PYGO1: variants seen among roughly 807,000 people sequenced by gnomAD.
PYGO1 encodes the protein pygopus family PHD finger 1, also known as pygopus homolog 1.
A neutral mutation model predicts 29.5 loss-of-function variants in PYGO1; 6 were observed. That is an observed-to-expected ratio of 0.20 (90% CI 0.11 to 0.40). PYGO1 has a LOEUF of 0.40. PYGO1 is among the 10% of genes least tolerant of loss of function. The pLI is 1.00. For synonymous variants in PYGO1, 186 were observed against 180.5 expected, an observed-to-expected ratio of 1.03 and a Z score of -0.24; for missense variants, 515 against 514.9, an observed-to-expected ratio of 1.00 and a Z score of 0.00.
At position 55,547,034 on chromosome 15, in the gene PYGO1, T is replaced by C. The variant is rs2058855345; in HGVS notation, c.249A>G (p.Pro83=). The C allele has an allele frequency of 6.2e-7, 1 of 1,613,836 alleles. No individual in the cohort carries two copies. Among genetic ancestry groups the C allele is most frequent in the South Asian group, 1.1e-5 (1 of 91,066 alleles). ...CAAGATATGGATTTGACGAAGGTAG[T>C]GGTTTATAGGAAATAGTATTATAGT... The part of the protein sequence containing the change: ...DDNYNTISYK[P]LPSSNPYLGP... The change falls in exon 3 of 3, where the codon CCA becomes CCG. Residue 83 remains proline (P), a synonymous_variant. Transcript: ENST00000563719.
intron 1 of PYGO1, among the ~76,000 whole-genome samples, chr15:55,582,067 C>T (rs578005396): frequency 1.5e-4 from 23 of 151,854 alleles, no homozygotes; most frequent in East Asian, 5.8e-4. Flanking sequence ...ATTAGCCGGG[C>T]GTGGTGGCAC....
At chr15:55,560,448 A>G (rs2058928237) in intron 1 of PYGO1, among the ~76,000 whole-genome samples, 1 of 152,160 alleles carries the variant, frequency 6.6e-6, no homozygotes, top group Admixed American at 6.5e-5. Flanking sequence ...GAGAGAATAT[A>G]CTACCTAGGA....
rs779715638 is a variant in PYGO1, at chr15:55,546,629, A to G, written c.654T>C (p.Ser218=). 3 of 1,613,984 alleles carry G rather than the reference A, an allele frequency of 1.9e-6. No homozygotes were observed. Among genetic ancestry groups the G allele is most frequent in the East Asian group, 4.5e-5 (2 of 44,896 alleles). Residue 218 remains serine, a synonymous_variant, in exon 3 of 3, where the codon TCT becomes TCC. Coordinates refer to ENST00000563719, the MANE Select transcript of PYGO1 (RefSeq NM_001367806.1). ...TTGGGGGAGGAATAAAAGAATGATT[A>G]GATTCTAACGGAGAAGTAAAATTTG... ...NNSNFTSPLE[S]NHSFIPPPNT...
intron 1 of PYGO1, among the ~76,000 whole-genome samples, chr15:55,571,089 T>C (rs895400492): frequency 6.6e-6 from 1 of 151,994 alleles, no homozygotes; most frequent in African/African-American, 2.4e-5. Context: ...CTACTCTAGA[T>C]ATTTTACACA....
In PYGO1 at chr15:55,546,259, G is replaced by A. The variant is rs151028742; in HGVS notation, c.1024C>T (p.Pro342Ser). 5 of 1,614,164 alleles carry A rather than the reference G, an allele frequency of 3.1e-6. No individual in the cohort carries two copies. Among genetic ancestry groups the A allele is most frequent in the Non-Finnish European group, 3.4e-6 (4 of 1,180,030 alleles). ...ACCTCGTTTGTACAAATTCCACAAGGATACACTGGGTCAGAAGACGAATGG... is the reference window on the plus strand; with the variant it reads ...ACCTCGTTTGTACAAATTCCACAAGAATACACTGGGTCAGAAGACGAATGG... Reference protein sequence around the residue: ...HGHSSSDPVYPCGICTNEVND... With the variant: ...HGHSSSDPVYSCGICTNEVND... The change falls in exon 3 of 3, where the codon CCT (proline) becomes TCT (serine). Residue 342 changes from proline (P) to serine (S), a missense_variant. Coordinates refer to ENST00000563719, the MANE Select transcript of PYGO1 (RefSeq NM_001367806.1).
At chr15:55,563,664 T>C (rs1285211399) in intron 1 of PYGO1, among the ~76,000 whole-genome samples, 2 of 152,176 alleles carry the variant, frequency 1.3e-5, no homozygotes, top group Non-Finnish European at 2.9e-5. Flanking sequence ...ATAAATTCTT[T>C]AGTGGAGATT....
intron 1 of PYGO1, among the ~76,000 whole-genome samples, chr15:55,582,868 A>G (rs7183943): frequency 0.32 from 48,312 of 152,040 alleles, 8,061 homozygotes; most frequent in East Asian, 0.5. Flanking sequence ...TTGTGACTGC[A>G]TAAATTATGC....
chr15:55,579,820 T>C (rs2059018478), intron 1 of PYGO1, among the ~76,000 whole-genome samples: 1 of 152,254 alleles, frequency 6.6e-6, no homozygotes, highest in Non-Finnish European at 1.5e-5. Context: ...ATACTTACTA[T>C]ACAGCAAAAT....
At chr15:55,588,834 G>A (rs1567062897), upstream of PYGO1, 1 of 1,614,038 alleles carries the variant, frequency 6.2e-7, no homozygotes, top group Non-Finnish European at 8.5e-7. Context: ...GCGGGAGCTG[G>A]AGAGTTCTCG....
At chr15:55,569,960 A>G (rs1456978976) in intron 1 of PYGO1, among the ~76,000 whole-genome samples, 2 of 152,184 alleles carry the variant, frequency 1.3e-5, no homozygotes, top group East Asian at 3.9e-4. Context: ...CTTGGAAAAT[A>G]CCTGCAGCTT....
chr15:55,567,815 T>C (rs546405782), intron 1 of PYGO1, among the ~76,000 whole-genome samples: 83 of 152,322 alleles, frequency 5.4e-4, no homozygotes, highest in African/African-American at 2.0e-3. Context: ...CTTCTACATA[T>C]GGATAGCCAG....
chr15:55,569,531 C>A (rs1421322872), intron 1 of PYGO1, among the ~76,000 whole-genome samples: 2 of 152,106 alleles, frequency 1.3e-5, no homozygotes, highest in African/African-American at 4.8e-5. Context: ...GCCTTGATTT[C>A]ATTACCCAGA....
At chr15:55,550,561 T>A (rs2058874435) in intron 1 of PYGO1, among the ~76,000 whole-genome samples, 1 of 152,170 alleles carries the variant, frequency 6.6e-6, no homozygotes, top group South Asian at 2.1e-4. Context: ...CTCTATGGCA[T>A]CTCTCTTCCA....
intron 1 of PYGO1, among the ~76,000 whole-genome samples, chr15:55,559,053 C>T (rs1204323395): frequency 2.0e-5 from 3 of 152,076 alleles, no homozygotes; most frequent in Admixed American, 1.3e-4. Flanking sequence ...AGGCAACCTA[C>T]AGAATGGGAG....
chr15:55,571,195 T>G (rs1218919735), intron 1 of PYGO1, among the ~76,000 whole-genome samples: 1 of 152,216 alleles, frequency 6.6e-6, no homozygotes, highest in African/African-American at 2.4e-5. Flanking sequence ...ATTTCCTTCC[T>G]TTTTGTGGCT....
At chr15:55,559,668 C>T (rs150930614) in intron 1 of PYGO1, among the ~76,000 whole-genome samples, 3 of 152,194 alleles carry the variant, frequency 2.0e-5, no homozygotes, top group Non-Finnish European at 2.9e-5. Flanking sequence ...AAAGGAGGGA[C>T]TCCTCCCTAA....
intron 1 of PYGO1, among the ~76,000 whole-genome samples, chr15:55,571,211 AT>A (rs2058978747): frequency 6.6e-6 from 1 of 152,172 alleles, no homozygotes; most frequent in African/African-American, 2.4e-5. Context: ...TGGCTGAATA[AT>A]ATTCCATGTA....
chr15:55,588,050 G>T lies in PYGO1; in HGVS notation c.-167C>A. ...ACGCGGGCCGACTTTGCAAAGTTTG[G>T]GAGGAGGACGAGGCCTCGGGGCGGC... On this transcript the variant is annotated 5_prime_UTR_variant, in exon 1 of 3. Coordinates refer to ENST00000563719, the MANE Select transcript of PYGO1 (RefSeq NM_001367806.1). 8.5e-7 allele frequency: 1 copy of T among 1,182,974 alleles called. No homozygotes were observed. The highest frequency in any genetic ancestry group is 4.0e-5 in the East Asian group (1 of 25,100). The allele number at this position is 1,182,974 out of a possible 1,614,324, so 73.3% of individuals were successfully genotyped here. A position where few individuals can be genotyped will look rare whatever the true frequency, so the allele number is the denominator to read the frequency against.
rs1410824224 is a variant in PYGO1 at position 55,540,076 on chromosome 15, AT to A, written c.*5946del. ...AATGACAAAATAAGAATGCTTTTAAATTACTATTCTTAAGTAAACACCTCTA... is the reference window on the plus strand; with the variant it reads ...AATGACAAAATAAGAATGCTTTTAAATACTATTCTTAAGTAAACACCTCTA... On this transcript the variant is annotated 3_prime_UTR_variant, in exon 3 of 3. Transcript: ENST00000563719. 2.6e-5 allele frequency: 4 copies of A among 152,112 alleles called. No homozygotes were observed. Among genetic ancestry groups the A allele is most frequent in the Non-Finnish European group, 5.9e-5 (4 of 67,936 alleles). 9.4% of individuals were successfully genotyped at this position (152,112 alleles called of 1,614,324 possible). A position where few individuals can be genotyped will look rare whatever the true frequency, so the allele number is the denominator to read the frequency against.
Sources: allele counts gnomAD v4.1 joint callset (sites outside exome capture counted in the v4.1 genomes callset), GRCh38; gene constraint gnomAD v4.1.1; transcripts MANE v1.5; gene names NCBI Gene and HGNC (gene_info 2026-07-23, HGNC 2026-07-21).